Variants in ZFYVE16 observed in about 807,000 individuals in gnomAD.
ZFYVE16 encodes the protein zinc finger FYVE-type containing 16, also known as zinc finger FYVE domain-containing protein 16.
A neutral mutation model predicts 138.1 loss-of-function variants in ZFYVE16; 89 were observed. The ratio of observed to expected loss-of-function variants is 0.64; its 90% CI spans 0.54 to 0.77. ZFYVE16 has a LOEUF of 0.77. Ranked by LOEUF, ZFYVE16 falls within the 30% of genes least tolerant of loss-of-function variation. ZFYVE16 has a pLI of 0.00. For synonymous variants in ZFYVE16, 596 were observed against 618.3 expected (o/e 0.96, Z 0.53); for missense variants, 1,793 against 1,786.7 (o/e 1.00, Z -0.06).
intron 2 of ZFYVE16, among the ~76,000 whole-genome samples, chr5:80,429,656 C>T (rs931080454): frequency 6.6e-6 from 1 of 152,148 alleles, no homozygotes; most frequent in Admixed American, 6.5e-5. Context: ...CACAGACTGG[C>T]AAATTGGATA....
At chr5:80,475,433 T>C (rs1167235755) in intron 18 of ZFYVE16, among the ~76,000 whole-genome samples, 3 of 152,220 alleles carry the variant, frequency 2.0e-5, no homozygotes, top group African/African-American at 7.2e-5. Flanking sequence ...TAGAGTTGTA[T>C]AAGGCAACAG....
rs752506275 is a variant in ZFYVE16 at position 80,438,692 on chromosome 5, T to C, written c.2007T>C (p.Asp669=). ...TRSSKDLNKP[D]VPDTIESEPS... ...GTTCAAAGGACCTGAATAAGCCAGATGTTCCAGATACAATAGAAAGTGAAC... is the reference window on the plus strand; with the variant it reads ...GTTCAAAGGACCTGAATAAGCCAGACGTTCCAGATACAATAGAAAGTGAAC... The change falls in exon 4 of 19, where the codon GAT becomes GAC. Residue 669 remains aspartate, a synonymous_variant. Coordinates refer to ENST00000505560, the MANE Select transcript of ZFYVE16 (RefSeq NM_001284236.3). 6.2e-7 allele frequency: 1 copy of C among 1,614,164 alleles called. No individual in the cohort carries two copies. The highest frequency in any genetic ancestry group is 8.5e-7 in the Non-Finnish European group (1 of 1,179,992).
chr5:80,455,656 T>G, intron 11 of ZFYVE16, 36 bp from the exon 12 acceptor site: 1 of 1,543,278 alleles, frequency 6.5e-7, no homozygotes, highest in African/African-American at 1.4e-5. Flanking sequence ...GGGTTTTTTT[T>G]GTTGATAGTA....
intron 15 of ZFYVE16, among the ~76,000 whole-genome samples, chr5:80,471,641 A>G (rs1351707007): frequency 3.9e-5 from 6 of 152,144 alleles, no homozygotes; most frequent in Admixed American, 2.0e-4. Context: ...TTGTGTGTCT[A>G]TTATTTCTCA....
intron 1 of ZFYVE16, among the ~76,000 whole-genome samples, chr5:80,424,726 T>C (rs1747746715): frequency 1.3e-5 from 2 of 152,280 alleles, no homozygotes; most frequent in South Asian, 4.1e-4. Flanking sequence ...CCTCCCAAAG[T>C]GTTGGGATTA....
At chr5:80,421,517 A>G (rs1170351754) in intron 1 of ZFYVE16, among the ~76,000 whole-genome samples, 1 of 152,200 alleles carries the variant, frequency 6.6e-6, no homozygotes, top group Non-Finnish European at 1.5e-5. Flanking sequence ...TTTTATGGCT[A>G]GCCAGTTTTC....
intron 13 of ZFYVE16, 26 bp downstream of exon 13, chr5:80,456,591 G>T (rs1580305698): frequency 1.3e-6 from 2 of 1,567,578 alleles, no homozygotes; most frequent in South Asian, 2.3e-5. Flanking sequence ...TTATTCAAAT[G>T]ACAATTATTG....
intron 1 of ZFYVE16, among the ~76,000 whole-genome samples, chr5:80,426,726 G>A (rs992933973): frequency 4.6e-5 from 7 of 152,052 alleles, no homozygotes; most frequent in Admixed American, 3.3e-4. Flanking sequence ...TTGATTCCAT[G>A]TCTTTGCTAT....
At chr5:80,459,096 T>A (rs1352052599) in intron 14 of ZFYVE16, among the ~76,000 whole-genome samples, 1 of 152,070 alleles carries the variant, frequency 6.6e-6, no homozygotes, top group African/African-American at 2.4e-5. Context: ...CCTGGCTAAT[T>A]TTTGTATTTT....
intron 1 of ZFYVE16, among the ~76,000 whole-genome samples, chr5:80,415,404 G>A (rs1167865512): frequency 1.3e-5 from 2 of 151,970 alleles, no homozygotes; most frequent in Admixed American, 1.3e-4. Flanking sequence ...TGCTTTTTCT[G>A]TTCCAGGATC....
chr5:80,413,558 A>G (rs1745778564), intron 1 of ZFYVE16, among the ~76,000 whole-genome samples: 1 of 152,098 alleles, frequency 6.6e-6, no homozygotes, highest in Non-Finnish European at 1.5e-5. Context: ...CTCCAGAAGC[A>G]GTCTTTCTCA....
At chr5:80,465,562 G>T (rs1303078205) in intron 15 of ZFYVE16, among the ~76,000 whole-genome samples, 1 of 151,000 alleles carries the variant, frequency 6.6e-6, no homozygotes, top group African/African-American at 2.4e-5. Flanking sequence ...TGTACCACCA[G>T]GTTTGGCTAA....
At chr5:80,458,915 A>T (rs949991661) in intron 14 of ZFYVE16, among the ~76,000 whole-genome samples, 2 of 152,236 alleles carry the variant, frequency 1.3e-5, no homozygotes, top group Admixed American at 1.3e-4. Flanking sequence ...AATTATTAAT[A>T]AAAACATTAA....
At chr5:80,409,379 CATT>C (rs1168989998) in intron 1 of ZFYVE16, among the ~76,000 whole-genome samples, 3 of 152,132 alleles carry the variant, frequency 2.0e-5, no homozygotes, top group African/African-American at 7.2e-5. Context: ...GTTCATTTAA[CATT>C]ATGATTGGGG....
intron 18 of ZFYVE16, 67 bp downstream of exon 18, chr5:80,474,897 C>T (rs927134245): frequency 1.6e-5 from 25 of 1,518,660 alleles, no homozygotes; most frequent in Middle Eastern, 1.8e-4. Context: ...TTTTCTTCAA[C>T]CTTTTATTTT....
At chr5:80,452,511 T>C (rs761494166) in intron 11 of ZFYVE16, 4 of 151,744 alleles carry the variant, frequency 2.6e-5, no homozygotes, top group Non-Finnish European at 4.4e-5. Flanking sequence ...TTTGGGATGT[T>C]CGATATGTGT....
intron 7 of ZFYVE16, 136 bp downstream of exon 7, chr5:80,445,541 T>A: frequency 1.3e-6 from 1 of 759,030 alleles, no homozygotes; most frequent in Non-Finnish European, 2.0e-6. Context: ...ATTGATATAG[T>A]GAATATATTT....
chr5:80,429,120 C>A (rs192769203), intron 2 of ZFYVE16, among the ~76,000 whole-genome samples: 2 of 152,252 alleles, frequency 1.3e-5, no homozygotes, highest in African/African-American at 4.8e-5. Context: ...CAAAGATACT[C>A]CTCGAGAAGA....
chr5:80,434,955 G>A (rs1170444864), intron 3 of ZFYVE16, among the ~76,000 whole-genome samples: 3 of 151,824 alleles, frequency 2.0e-5, no homozygotes, highest in African/African-American at 7.3e-5. Context: ...TCCACTTCCC[G>A]GGTTCAAGCA....
Sources: gnomAD v4.1 joint callset for allele counts (sites outside exome capture counted in the v4.1 genomes callset) on GRCh38, gnomAD v4.1.1 for gene constraint, MANE v1.5 for transcripts, NCBI Gene and HGNC (gene_info 2026-07-23, HGNC 2026-07-21) for gene names.